OR2L13: variants seen among roughly 807,000 people sequenced by gnomAD.
OR2L13 encodes the protein olfactory receptor 2L13.
Under a neutral mutation model 15.3 loss-of-function variants are expected in OR2L13, and 14 were observed. The ratio of observed to expected loss-of-function variants is 0.91; its 90% CI spans 0.60 to 1.43. OR2L13 has a LOEUF of 1.43. Among genes scored for constraint, OR2L13 ranks in the 40% most tolerant of loss-of-function variants. OR2L13 has a pLI of 0.00. For synonymous variants in OR2L13, 152 were observed against 142.9 expected, an observed-to-expected ratio of 1.06 and a Z score of -0.45; for missense variants, 367 against 387.9, an observed-to-expected ratio of 0.95 and a Z score of 0.45.
chr1:248,041,588 G>T, the OR2L13 span: 1 of 152,048 alleles, frequency 6.6e-6, no homozygotes, highest in Non-Finnish European at 1.5e-5. Flanking sequence ...CAGAATGGGA[G>T]AAAATTTTTG....
chr1:247,998,430 G>GTGTTTTGTTT, the OR2L13 span, among the ~76,000 whole-genome samples: 1 of 152,110 alleles, frequency 6.6e-6, no homozygotes, highest in East Asian at 1.9e-4. Context: ...TACTTGGTTG[G>GTGTTTTGTTT]TGTTTTGTTT....
chr1:247,943,685 T>C, the OR2L13 span, among the ~76,000 whole-genome samples: 3 of 152,192 alleles, frequency 2.0e-5, no homozygotes, highest in Non-Finnish European at 4.4e-5. Flanking sequence ...ATTAACTTTT[T>C]ACTTACAGTA....
the OR2L13 span, among the ~76,000 whole-genome samples, chr1:248,052,870 T>C: frequency 6.6e-4 from 100 of 152,106 alleles, no homozygotes; most frequent in African/African-American, 2.3e-3. Flanking sequence ...AAAAAAAAAA[T>C]TTATCATTTT....
the OR2L13 span, among the ~76,000 whole-genome samples, chr1:247,978,445 C>T: frequency 6.6e-6 from 1 of 152,098 alleles, no homozygotes; most frequent in Admixed American, 6.5e-5. Context: ...ATGGTTATCA[C>T]TTGAATCTTG....
chr1:248,100,269 G>T (rs1487193348), exon 3 of OR2L13: 1 of 1,612,740 alleles, frequency 6.2e-7, no homozygotes, highest in Admixed American at 1.7e-5. Flanking sequence ...AAGTCCTGGG[G>T]GCTATGAGGA....
At chr1:248,013,403 A>C in the OR2L13 span, among the ~76,000 whole-genome samples, 7 of 152,292 alleles carry the variant, frequency 4.6e-5, no homozygotes, top group Admixed American at 3.9e-4. Flanking sequence ...TTACACAATG[A>C]GAACTCATTT....
At chr1:248,021,313 G>A in the OR2L13 span, among the ~76,000 whole-genome samples, 2 of 152,046 alleles carry the variant, frequency 1.3e-5, no homozygotes, top group African/African-American at 4.8e-5. Flanking sequence ...GGAAAGATTA[G>A]TCATCTAAGA....
the OR2L13 span, among the ~76,000 whole-genome samples, chr1:248,024,546 C>T: frequency 5.5e-4 from 83 of 152,122 alleles, no homozygotes; most frequent in African/African-American, 1.7e-3. Flanking sequence ...TTAGGTCTAA[C>T]GTTTAAGTCT....
chr1:248,036,036 A>T, the OR2L13 span, among the ~76,000 whole-genome samples: 2,646 of 152,302 alleles, frequency 0.017, 63 homozygotes, highest in African/African-American at 0.059. Flanking sequence ...CAGAATTTTC[A>T]TGAAATATTT....
chr1:248,040,917 C>G, the OR2L13 span: 3 of 152,154 alleles, frequency 2.0e-5, no homozygotes, highest in African/African-American at 7.2e-5. Flanking sequence ...TCTGGATATA[C>G]TCATTTCAAT....
chr1:248,003,227 A>G, the OR2L13 span: 2 of 1,539,324 alleles, frequency 1.3e-6, no homozygotes, highest in African/African-American at 2.7e-5. Flanking sequence ...CATTGTTTTC[A>G]TTTTCCTAAT....
At chr1:248,060,034 G>A in the OR2L13 span, among the ~76,000 whole-genome samples, 3 of 141,342 alleles carry the variant, frequency 2.1e-5, no homozygotes, top group East Asian at 5.9e-4. Context: ...GAGAGACCCT[G>A]TCACTCAAAA....
the OR2L13 span, among the ~76,000 whole-genome samples, chr1:248,064,150 C>A: frequency 1.3e-5 from 2 of 152,100 alleles, no homozygotes; most frequent in East Asian, 3.9e-4. Flanking sequence ...TTGCTATCCT[C>A]CCAAAATCCA....
At chr1:248,052,980 T>C in the OR2L13 span, among the ~76,000 whole-genome samples, 1,218 of 152,240 alleles carry the variant, frequency 8.0e-3, 21 homozygotes, top group African/African-American at 0.028. Context: ...CCAGGGTATA[T>C]GTGCAGGAAG....
the OR2L13 span, among the ~76,000 whole-genome samples, chr1:248,018,940 A>G: frequency 6.8e-4 from 104 of 152,334 alleles, no homozygotes; most frequent in Non-Finnish European, 1.4e-3. Flanking sequence ...GCATAATGTA[A>G]TCAAAGTTCA....
At chr1:248,045,544 G>T in the OR2L13 span, among the ~76,000 whole-genome samples, 14 of 152,266 alleles carry the variant, frequency 9.2e-5, no homozygotes, top group African/African-American at 3.4e-4. Flanking sequence ...AGCGCAAATA[G>T]GTTTTGTCTT....
the OR2L13 span, among the ~76,000 whole-genome samples, chr1:248,053,074 G>C: frequency 3.3e-5 from 5 of 152,020 alleles, no homozygotes; most frequent in Admixed American, 1.3e-4. Context: ...AGCCCAGCAT[G>C]CACTAGCTCT....
the OR2L13 span, chr1:248,062,107 T>G: frequency 6.4e-6 from 1 of 156,602 alleles, no homozygotes; most frequent in East Asian, 1.9e-4. Context: ...TACTCATTCT[T>G]TCAATTTAGG....
the OR2L13 span, chr1:248,061,518 C>A: frequency 3.7e-6 from 6 of 1,613,754 alleles, no homozygotes; most frequent in East Asian, 1.1e-4. Flanking sequence ...TCTACACCAC[C>A]CTCACTCCAA....
Sources: allele counts gnomAD v4.1 joint callset (sites outside exome capture counted in the v4.1 genomes callset), GRCh38; gene constraint gnomAD v4.1.1; transcripts MANE v1.5; gene names NCBI Gene and HGNC (gene_info 2026-07-23, HGNC 2026-07-21).